Variants in RANBP17 observed in about 807,000 individuals in gnomAD.
RANBP17 encodes the protein ran-binding protein 17.
Under a neutral mutation model 141.2 loss-of-function variants are expected in RANBP17, and 158 were observed. The ratio of observed to expected loss-of-function variants is 1.12; its 90% CI spans 0.98 to 1.28. The LOEUF (loss-of-function observed/expected upper bound fraction) is 1.28. Among genes scored for constraint, RANBP17 ranks in the 50% most tolerant of loss-of-function variants. RANBP17 has a pLI of 0.00. For missense variants in RANBP17, 1,438 were observed against 1,290.7 expected, an observed-to-expected ratio of 1.11 and a Z score of -1.75; for synonymous variants, 430 against 450.0, an observed-to-expected ratio of 0.96 and a Z score of 0.56.
chr5:171,010,329 A>G (rs1220493068), intron 14 of RANBP17, among the ~76,000 whole-genome samples: 3 of 152,204 alleles, frequency 2.0e-5, no homozygotes, highest in East Asian at 1.9e-4. Flanking sequence ...ATCTTATCCT[A>G]TGATTAAGAT....
At chr5:170,876,143 G>A (rs1025083586) in intron 1 of RANBP17, among the ~76,000 whole-genome samples, 7 of 152,128 alleles carry the variant, frequency 4.6e-5, no homozygotes, top group South Asian at 2.1e-4. Context: ...CTCTGTCCTC[G>A]AGGGGCACCA....
chr5:170,944,184 T>A (rs1774564621), intron 12 of RANBP17, among the ~76,000 whole-genome samples: 1 of 152,222 alleles, frequency 6.6e-6, no homozygotes, highest in Non-Finnish European at 1.5e-5. Flanking sequence ...AGTCTAAAAT[T>A]GTTCAGGGTT....
intron 14 of RANBP17, among the ~76,000 whole-genome samples, chr5:171,117,539 G>A (rs753454883): frequency 9.2e-5 from 14 of 151,644 alleles, no homozygotes; most frequent in African/African-American, 1.5e-4. Flanking sequence ...TTGCTCTGTC[G>A]CCCAGGCTGG....
chr5:170,902,981 C>T (rs189433850), intron 5 of RANBP17, among the ~76,000 whole-genome samples: 11 of 152,244 alleles, frequency 7.2e-5, no homozygotes, highest in Admixed American at 2.0e-4. Flanking sequence ...AGATGTCTCC[C>T]GGTCAGGAGG....
chr5:171,054,097 TC>T (rs1783181877), intron 14 of RANBP17, among the ~76,000 whole-genome samples: 1 of 151,890 alleles, frequency 6.6e-6, no homozygotes, highest in Non-Finnish European at 1.5e-5. Flanking sequence ...GCATAGAATA[TC>T]CTTTTTTATC....
Position 171,240,005 on chromosome 5 carries a change from T to C in RANBP17, c.2423-923T>C, listed in dbSNP as rs116926216. On this transcript the variant is annotated intron_variant, in intron 22 of 27. Coordinates refer to ENST00000523189, the MANE Select transcript of RANBP17 (RefSeq NM_022897.5). The stretch of plus-strand genomic sequence containing the variant: ...CACAACCATAAAGGGAAGTGGATTC[T>C]AAGAAACTTAATTCTTGTTAGCTAA... Among the ~76,000 whole-genome samples, 1,266 of 152,336 alleles carry C rather than the reference T, an allele frequency of 8.3e-3. 39 individuals carry two copies. The East Asian group carries it at 0.11, about 13-fold the overall frequency.
intron 20 of RANBP17, among the ~76,000 whole-genome samples, chr5:171,209,158 C>T (rs1222133659): frequency 6.6e-6 from 1 of 152,132 alleles, no homozygotes; most frequent in African/African-American, 2.4e-5. Flanking sequence ...TTCCTTGGGT[C>T]TTAACCAAAT....
intron 14 of RANBP17, among the ~76,000 whole-genome samples, chr5:171,159,296 C>CA (rs1759125298): frequency 6.6e-6 from 1 of 152,132 alleles, no homozygotes; most frequent in South Asian, 2.1e-4. Context: ...ATGCCAATAT[C>CA]ATAAGTTTCA....
chr5:171,270,815 A>G (rs1221768263), intron 25 of RANBP17, among the ~76,000 whole-genome samples: 2 of 152,164 alleles, frequency 1.3e-5, no homozygotes, highest in Non-Finnish European at 2.9e-5. Context: ...TAATTGCTCT[A>G]GAAAGAGTAA....
At chr5:171,171,092 T>A in intron 15 of RANBP17, 114 bp from the exon 16 acceptor site, 1 of 591,346 alleles carries the variant, frequency 1.7e-6, no homozygotes, top group Non-Finnish European at 3.0e-6. Flanking sequence ...TTTTTCACTT[T>A]CAAAATATTT....
chr5:171,070,372 T>G (rs1427072904), intron 14 of RANBP17, among the ~76,000 whole-genome samples: 1 of 152,206 alleles, frequency 6.6e-6, no homozygotes, highest in African/African-American at 2.4e-5. Flanking sequence ...ATGTATTCTC[T>G]TACTTGGAAT....
intron 14 of RANBP17, among the ~76,000 whole-genome samples, chr5:170,997,652 C>T (rs983937801): frequency 1.3e-5 from 2 of 152,110 alleles, no homozygotes; most frequent in African/African-American, 4.8e-5. Flanking sequence ...GTTAGAAAAG[C>T]GTATACTAAT....
chr5:171,294,811 G>A (rs1768717076), intron 26 of RANBP17, among the ~76,000 whole-genome samples: 1 of 152,180 alleles, frequency 6.6e-6, no homozygotes, highest in Non-Finnish European at 1.5e-5. Flanking sequence ...AAATGATTGA[G>A]AGGGAATAAG....
intron 14 of RANBP17, among the ~76,000 whole-genome samples, chr5:171,014,010 ACT>A (rs1321723190): frequency 2.0e-5 from 3 of 151,852 alleles, no homozygotes; most frequent in East Asian, 1.9e-4. Context: ...ATATTTTGAA[ACT>A]CTGTTGTTAA....
At chr5:171,051,826 C>A (rs1782969878) in intron 14 of RANBP17, among the ~76,000 whole-genome samples, 1 of 152,102 alleles carries the variant, frequency 6.6e-6, no homozygotes, top group Non-Finnish European at 1.5e-5. Context: ...CCATGATGGC[C>A]ACACCATTTT....
At chr5:170,869,959 C>T (rs1767581040) in intron 1 of RANBP17, among the ~76,000 whole-genome samples, 1 of 152,132 alleles carries the variant, frequency 6.6e-6, no homozygotes. Context: ...TGTTACTAGT[C>T]TCATTTTTGC....
chr5:171,299,848 T>C lies in RANBP17; in HGVS notation c.*990T>C, dbSNP rs1769021981. The C allele has an allele frequency of 4.6e-6, 1 of 219,314 alleles. No homozygotes were observed. The highest frequency in any genetic ancestry group is 5.8e-5 in the Admixed American group (1 of 17,298). The allele number at this position is 219,314 out of a possible 1,614,324, so 13.6% of individuals were successfully genotyped here. A position where few individuals can be genotyped will look rare whatever the true frequency, so the allele number is the denominator to read the frequency against. On this transcript the variant is annotated 3_prime_UTR_variant, in exon 28 of 28. Coordinates refer to ENST00000523189, the MANE Select transcript of RANBP17 (RefSeq NM_022897.5). ...TTTACAGTTTGTGCTCTACTGTTAC[T>C]AGGCTATTAATTTGAGATCGTCCAC...
At chr5:170,921,436 C>T (rs932867613) in intron 11 of RANBP17, among the ~76,000 whole-genome samples, 1 of 151,710 alleles carries the variant, frequency 6.6e-6, no homozygotes, top group Non-Finnish European at 1.5e-5. Context: ...TGTTCTGTTC[C>T]ATTGGTCTAT....
At chr5:171,065,652 C>G (rs1418229580) in intron 14 of RANBP17, among the ~76,000 whole-genome samples, 1 of 152,020 alleles carries the variant, frequency 6.6e-6, no homozygotes, top group African/African-American at 2.4e-5. Context: ...CCAGTTTTAT[C>G]ATATACTAGA....
Sources: allele counts gnomAD v4.1 joint callset (sites outside exome capture counted in the v4.1 genomes callset), GRCh38; gene constraint gnomAD v4.1.1; transcripts MANE v1.5; gene names NCBI Gene and HGNC (gene_info 2026-07-23, HGNC 2026-07-21).